The following MACROD1 variants were observed in gnomAD, a reference collection of about 807,000 sequenced individuals.
MACROD1 encodes mono-ADP ribosylhydrolase 1.
In MACROD1, 31 loss-of-function variants were observed where a neutral mutation model predicts 41.4. The ratio of observed to expected loss-of-function variants is 0.75; its 90% confidence interval spans 0.56 to 1.01. The LOEUF is 1.01. MACROD1 is among the 50% of genes least tolerant of loss of function. MACROD1 has a pLI of 0.00. For missense variants in MACROD1, 473 were observed against 460.0 expected, an observed-to-expected ratio of 1.03 and a Z score of -0.26; for synonymous variants, 252 against 203.4, an observed-to-expected ratio of 1.24 and a Z score of -2.03.
chr11:64,135,763 G>A (rs937339435), intron 3 of MACROD1, among the ~76,000 whole-genome samples: 4 of 152,086 alleles, frequency 2.6e-5, no homozygotes, highest in Non-Finnish European at 4.4e-5. Flanking sequence ...CACATGTTCC[G>A]AGGGCCCACG....
intron 3 of MACROD1, among the ~76,000 whole-genome samples, chr11:64,023,488 A>G (rs541790369): frequency 1.3e-5 from 2 of 152,270 alleles, no homozygotes; most frequent in South Asian, 4.1e-4. Flanking sequence ...TGGGCCCCGA[A>G]GCTGGGTGGG....
At position 64,064,931 on chromosome 11, in the gene MACROD1, A is replaced by G. The variant is rs934521865; in HGVS notation, c.518-49650T>C. The stretch of plus-strand genomic sequence containing the variant: ...CGTGCCAGGCAAGGCGGCAGGCAGG[A>G]GGGCCACCATGGTGACTGAGACAGA... On this transcript the variant is annotated intron_variant, in intron 3 of 10. Transcript: ENST00000255681. This position sits in a 1 kb window ranked among gnomAD's most constrained non-coding sequence, Gnocchi z 4.5. Among the ~76,000 whole-genome samples the G allele has an allele frequency of 2.6e-5, 4 of 151,316 alleles. No homozygotes were observed. Among genetic ancestry groups the G allele is most frequent in the Admixed American group, 6.6e-5 (1 of 15,186 alleles).
At chr11:64,003,750 A>C (rs1322887947) in intron 4 of MACROD1, among the ~76,000 whole-genome samples, 1 of 152,148 alleles carries the variant, frequency 6.6e-6, no homozygotes, top group Non-Finnish European at 1.5e-5. Context: ...TTCCTCTGGG[A>C]CCACTAAAGG....
intron 3 of MACROD1, among the ~76,000 whole-genome samples, chr11:64,100,940 G>A (rs1254369885): frequency 6.6e-6 from 1 of 152,142 alleles, no homozygotes; most frequent in Non-Finnish European, 1.5e-5. Flanking sequence ...TAGTGCCTTG[G>A]TTTTCTAAAT....
At chr11:64,030,809 G>T (rs374185127) in intron 3 of MACROD1, among the ~76,000 whole-genome samples, 1 of 152,104 alleles carries the variant, frequency 6.6e-6, no homozygotes, top group East Asian at 1.9e-4. Flanking sequence ...CCAGCTACTC[G>T]GGAGGCTGAG....
chr11:64,010,307 T>C (rs1942986046), intron 4 of MACROD1, among the ~76,000 whole-genome samples: 1 of 121,958 alleles, frequency 8.2e-6, no homozygotes, highest in South Asian at 2.8e-4. Flanking sequence ...GTTGGAGTGT[T>C]GGCTGGTATG....
intron 3 of MACROD1, among the ~76,000 whole-genome samples, chr11:64,148,569 G>A (rs1239020823): frequency 6.6e-6 from 1 of 152,202 alleles, no homozygotes; most frequent in East Asian, 1.9e-4. Context: ...CTGGCTTATT[G>A]TGGTGGCTCC....
intron 3 of MACROD1, among the ~76,000 whole-genome samples, chr11:64,026,629 A>G (rs1193339430): frequency 6.6e-6 from 1 of 152,158 alleles, no homozygotes; most frequent in Admixed American, 6.5e-5. Flanking sequence ...TCCCTGCTTA[A>G]AATTCTCCAA....
chr11:64,014,387 G>A (rs1366457907), intron 4 of MACROD1, among the ~76,000 whole-genome samples: 1 of 152,196 alleles, frequency 6.6e-6, no homozygotes, highest in Non-Finnish European at 1.5e-5. Flanking sequence ...GCTGGTCACC[G>A]ACAGCTCTTA....
chr11:64,069,209 G>A (rs968334414), intron 3 of MACROD1, among the ~76,000 whole-genome samples: 10 of 152,208 alleles, frequency 6.6e-5, no homozygotes, highest in Admixed American at 6.5e-4. Context: ...GCGCGCGGCC[G>A]GGGGCCCGAG....
chr11:64,112,909 C>A, intron 3 of MACROD1, among the ~76,000 whole-genome samples: 1 of 152,202 alleles, frequency 6.6e-6, no homozygotes, highest in East Asian at 1.9e-4. Context: ...GGGTGAGTGG[C>A]AGAGACATTC....
chr11:64,094,460 G>C (rs2845882), intron 3 of MACROD1, among the ~76,000 whole-genome samples: 1 of 151,600 alleles, frequency 6.6e-6, no homozygotes, highest in South Asian at 2.1e-4. Flanking sequence ...AAAAAACAAA[G>C]TTAAGCAGGC....
At chr11:63,999,493 C>T (rs1368620164) in intron 7 of MACROD1, 37 bp downstream of exon 7, 3 of 1,589,690 alleles carry the variant, frequency 1.9e-6, no homozygotes, top group East Asian at 2.3e-5. Flanking sequence ...CTGGGTCCAC[C>T]GCCCACTCCT....
chr11:64,070,894 G>T (rs929535443), intron 3 of MACROD1, among the ~76,000 whole-genome samples: 10 of 152,152 alleles, frequency 6.6e-5, no homozygotes, highest in African/African-American at 2.2e-4. Context: ...TGGGACACTT[G>T]GGGAAGGGGT....
intron 3 of MACROD1, among the ~76,000 whole-genome samples, chr11:64,104,417 G>A (rs1029256624): frequency 2.6e-5 from 4 of 151,716 alleles, no homozygotes; most frequent in Non-Finnish European, 4.4e-5. Context: ...GGTGGTCCCC[G>A]TGCTGCTGGG....
At chr11:64,088,583 C>G (rs528921075) in intron 3 of MACROD1, among the ~76,000 whole-genome samples, 38 of 150,382 alleles carry the variant, frequency 2.5e-4, no homozygotes, top group Non-Finnish European at 4.6e-4. Context: ...TGGCCTGGAG[C>G]AGGTCTCTCC....
chr11:64,148,988 T>C (rs943170550), intron 3 of MACROD1: 68 of 985,284 alleles, frequency 6.9e-5, no homozygotes, highest in Non-Finnish European at 7.8e-5. Flanking sequence ...GCCTCCGTCA[T>C]TCCCTGGGAT....
chr11:64,073,906 G>A (rs914943639), intron 3 of MACROD1, among the ~76,000 whole-genome samples: 1 of 152,180 alleles, frequency 6.6e-6, no homozygotes, highest in African/African-American at 2.4e-5. Context: ...GGGCTCTGGG[G>A]TTGAAGGGTT....
intron 4 of MACROD1, among the ~76,000 whole-genome samples, chr11:64,008,443 T>C (rs2134329413): frequency 2.4e-5 from 1 of 41,352 alleles, no homozygotes; most frequent in South Asian, 7.7e-4. Flanking sequence ...CAGGGAGTGT[T>C]GTCCACCTGG....
Sources: gnomAD v4.1 joint callset for allele counts (sites outside exome capture counted in the v4.1 genomes callset) on GRCh38, gnomAD v4.1.1 for gene constraint, Gnocchi (gnomAD v3.1) non-coding constraint, MANE v1.5 for transcripts, NCBI Gene and HGNC (gene_info 2026-07-23, HGNC 2026-07-21) for gene names.